Variants in PNPLA7 observed in about 807,000 individuals in gnomAD.
PNPLA7 encodes patatin-like phospholipase domain-containing protein 7.
A neutral mutation model predicts 161.7 loss-of-function variants in PNPLA7; 153 were observed. That is an observed-to-expected ratio of 0.95 (90% CI 0.83 to 1.08). The LOEUF (loss-of-function observed/expected upper bound fraction) is 1.08. Among genes scored for constraint, PNPLA7 ranks in the 50% least tolerant of loss-of-function variants. PNPLA7 has a pLI of 0.00. For missense variants in PNPLA7, 1,739 were observed against 1,856.6 expected (o/e 0.94, Z 1.16); for synonymous variants, 809 against 782.1 (o/e 1.03, Z -0.57).
At chr9:137,515,241 GC>G in intron 12 of PNPLA7, 137 bp downstream of exon 12, 3 of 1,149,132 alleles carry the variant, frequency 2.6e-6, no homozygotes, top group East Asian at 2.7e-5. Context: ...ACAGGCACAG[GC>G]CCCCCTGGGC....
At chr9:137,515,191 C>T (rs1032232403) in intron 12 of PNPLA7, among the ~76,000 whole-genome samples, 188 bp downstream of exon 12, 17 of 152,080 alleles carry the variant, frequency 1.1e-4, no homozygotes, top group African/African-American at 3.9e-4. Context: ...GTGTTCTGGG[C>T]GGCAGGACGG....
At chr9:137,493,106 G>C (rs535023299) in intron 19 of PNPLA7, 24 bp from the exon 20 acceptor site, 427 of 1,612,854 alleles carry the variant, frequency 2.6e-4, no homozygotes, top group Non-Finnish European at 3.6e-4. Context: ...CAGGAGCCAA[G>C]AGCCACACGT....
Position 137,460,292 on chromosome 9 carries a change from C to T in PNPLA7, c.*101G>A. Reference sequence around the variant, plus strand: ...TGGGGCCCCGGGGAAGTCAGGGCTTCCAGCAGGGCAGGTACAGAGGCCCCT... The same window carrying T: ...TGGGGCCCCGGGGAAGTCAGGGCTTTCAGCAGGGCAGGTACAGAGGCCCCT... On this transcript the variant is annotated 3_prime_UTR_variant, in exon 35 of 35. Coordinates refer to ENST00000406427, the MANE Select transcript of PNPLA7 (RefSeq NM_001098537.3). 4 of 1,240,454 alleles carry T rather than the reference C, an allele frequency of 3.2e-6. No homozygotes were observed. The South Asian group carries it at 5.8e-5, about 18-fold the overall frequency. The allele number at this position is 1,240,454 out of a possible 1,614,324, so 76.8% of individuals were successfully genotyped here.
chr9:137,462,151 T>TCCG (rs763389186), intron 31 of PNPLA7, 28 bp downstream of exon 31: 12 of 1,548,256 alleles, frequency 7.8e-6, no homozygotes, highest in Non-Finnish European at 8.7e-6. Flanking sequence ...TCCGCCCGCC[T>TCCG]CCGCCGCCGC....
At chr9:137,549,332 C>T (rs1836717288) in intron 1 of PNPLA7, among the ~76,000 whole-genome samples, 1 of 152,026 alleles carries the variant, frequency 6.6e-6, no homozygotes, top group South Asian at 2.1e-4. Flanking sequence ...CTTTGGGAGG[C>T]CAAGGCGGGC....
At chr9:137,487,826 G>T (rs558903778) in intron 20 of PNPLA7, among the ~76,000 whole-genome samples, 263 of 152,074 alleles carry the variant, frequency 1.7e-3, no homozygotes, top group Non-Finnish European at 3.1e-3. Context: ...GCCTGTCAGG[G>T]GCATCTCAGG....
At chr9:137,526,172 C>A (rs1015114660) in intron 8 of PNPLA7, among the ~76,000 whole-genome samples, 9 of 152,208 alleles carry the variant, frequency 5.9e-5, no homozygotes, top group Non-Finnish European at 1.2e-4. Flanking sequence ...TGCCTCGGCA[C>A]CTGGGTGGCT....
rs58417100 is a variant in PNPLA7, at chr9:137,475,010, C to CAAAAA, written c.2882+3019_2882+3023dup. ...ACTGCGACAGAACAAGACTCTGCCT[C>CAAAAA]AAAAAAAAAAAAAAAAAAAAAAGAA... On this transcript the variant is annotated intron_variant, in intron 25 of 34. Transcript: ENST00000406427. Among the ~76,000 whole-genome samples, 36 of 63,448 alleles carry CAAAAA rather than the reference C, an allele frequency of 5.7e-4. 1 individual carries two copies. The highest frequency in any genetic ancestry group is 1.6e-3 in the African/African-American group (23 of 14,612). The allele number at this position is 63,448 out of a possible 152,430, so 41.6% of individuals were successfully genotyped here. A position where few individuals can be genotyped will look rare whatever the true frequency, so the allele number is the denominator to read the frequency against.
At chr9:137,511,677 C>T (rs1036768001) in intron 12 of PNPLA7, among the ~76,000 whole-genome samples, 2 of 152,230 alleles carry the variant, frequency 1.3e-5, no homozygotes, top group African/African-American at 4.8e-5. Flanking sequence ...TGCCCGCAGT[C>T]ATTGGAGGCT....
At chr9:137,506,662 C>T (rs1194027279) in intron 12 of PNPLA7, among the ~76,000 whole-genome samples, 2 of 152,170 alleles carry the variant, frequency 1.3e-5, no homozygotes, top group African/African-American at 4.8e-5. Context: ...TCCCCTGTTG[C>T]TGCTTTTGGG....
chr9:137,484,724 C>T lies in PNPLA7; in HGVS notation c.2210G>A (p.Gly737Glu). The T allele has an allele frequency of 6.2e-7, 1 of 1,609,502 alleles. No homozygotes were observed. Among genetic ancestry groups the T allele is most frequent in the Non-Finnish European group, 8.5e-7 (1 of 1,177,818 alleles). Residue 737 changes from glycine to glutamate, a missense_variant, in exon 21 of 35, where the codon GGG (glycine) becomes GAG (glutamate). Physicochemically the swap from Gly to Glu is moderately conservative, Grantham distance 98. This residue lies in a region of PNPLA7 where 192 missense variants were observed against 249.5 expected (regional missense o/e 0.77). Transcript: ENST00000406427. The part of the protein sequence containing the change: ...QQGPVTGHQL[G>E]LPTEGSKWDL... ...CCACTTGCTGCCCTCCGTGGGGAGC[C>T]CAAGCTGGTGGCCTGTGGAGCAAAG...
In PNPLA7 at chr9:137,524,580, A is replaced by G. The variant is rs1048952681; in HGVS notation, c.748-1723T>C. 2.0e-5 allele frequency among the ~76,000 whole-genome samples: 3 copies of G among 152,226 alleles called. No homozygotes were observed. Among genetic ancestry groups the G allele is most frequent in the African/African-American group, 7.2e-5 (3 of 41,450 alleles). On this transcript the variant is annotated intron_variant, in intron 8 of 34. Coordinates refer to ENST00000406427, the MANE Select transcript of PNPLA7 (RefSeq NM_001098537.3). This position sits in a 1 kb window ranked among gnomAD's most constrained non-coding sequence, Gnocchi z 4.4. ...TTCTCATCCCTCTTGCTAAATACCT[A>G]GGGATGGGACTTGTAGGTTGTACGG... is the stretch of plus-strand genomic sequence containing the variant.
intron 25 of PNPLA7, among the ~76,000 whole-genome samples, chr9:137,475,010 C>CAAAAAAAAAAAAAAAAAAAAAAAA (rs58417100): frequency 3.1e-5 from 2 of 63,610 alleles, no homozygotes; most frequent in African/African-American, 1.4e-4. Flanking sequence ...GACTCTGCCT[C>CAAAAAAAAAAAAAAAAAAAAAAAA]AAAAAAAAAA....
At chr9:137,480,191 T>C in intron 23 of PNPLA7, 121 bp downstream of exon 23, 1 of 1,333,022 alleles carries the variant, frequency 7.5e-7, no homozygotes, top group Non-Finnish European at 1.0e-6. Flanking sequence ...GATATCTGAG[T>C]GTTGGCTCTT....
chr9:137,540,488 T>G lies in PNPLA7; in HGVS notation c.747+154A>C, dbSNP rs945400248. Among the ~76,000 whole-genome samples the G allele has an allele frequency of 1.3e-5, 2 of 152,218 alleles. No homozygotes were observed. Among genetic ancestry groups the G allele is most frequent in the African/African-American group, 4.8e-5 (2 of 41,460 alleles). The stretch of plus-strand genomic sequence containing the variant: ...GTGGCCAGAATGAAGCTCCCTCCTC[T>G]TTCTTCCCTCCTTCCTGGACCAAAC... On this transcript the variant is annotated intron_variant, in intron 8 of 34. Coordinates refer to ENST00000406427, the MANE Select transcript of PNPLA7 (RefSeq NM_001098537.3). The surrounding 1 kb of genome is among the most constrained non-coding windows in gnomAD (Gnocchi z 5.1).
chr9:137,510,298 G>A (rs536046563), intron 12 of PNPLA7, among the ~76,000 whole-genome samples: 115 of 152,158 alleles, frequency 7.6e-4, no homozygotes, highest in African/African-American at 1.8e-3. Context: ...AGGCCTAACC[G>A]TCTCCCTGTG....
Position 137,543,915 on chromosome 9 carries a change from C to T in PNPLA7, c.274-100G>A. 8 of 955,586 alleles carry T rather than the reference C, an allele frequency of 8.4e-6. No homozygotes were observed. Among genetic ancestry groups the T allele is most frequent in the Non-Finnish European group, 1.3e-5 (8 of 601,640 alleles). 59.2% of individuals were successfully genotyped at this position (955,586 alleles called of 1,614,324 possible). On this transcript the variant is annotated intron_variant, in intron 4 of 34. Transcript: ENST00000406427. The surrounding 1 kb of genome is among the most constrained non-coding windows in gnomAD (Gnocchi z 6.9). The stretch of plus-strand genomic sequence containing the variant: ...TCCTCAGGACCTGCCTGTGGGCCTC[C>T]CACAGTCCCAGCTTCAGCTCCTGGG...
intron 21 of PNPLA7, among the ~76,000 whole-genome samples, chr9:137,482,063 GAC>G (rs949718255): frequency 1.7e-4 from 26 of 152,352 alleles, no homozygotes; most frequent in African/African-American, 5.8e-4. Context: ...GGGCTCAAGA[GAC>G]AGCTCTGAGC....
intron 25 of PNPLA7, among the ~76,000 whole-genome samples, chr9:137,477,197 C>A (rs1831979743): frequency 6.6e-6 from 1 of 152,226 alleles, no homozygotes; most frequent in Non-Finnish European, 1.5e-5. Context: ...ACATGCCTGT[C>A]CCACCCTCCT....
Sources: gnomAD v4.1 joint callset for allele counts (sites outside exome capture counted in the v4.1 genomes callset) on GRCh38, gnomAD v4.1.1 for gene constraint, gnomAD v4.1.1 regional missense constraint, Gnocchi (gnomAD v3.1) non-coding constraint, MANE v1.5 for transcripts, NCBI Gene and HGNC (gene_info 2026-07-23, HGNC 2026-07-21) for gene names.